PCDH9: variants seen among roughly 807,000 people sequenced by gnomAD.
The protein encoded by PCDH9 is protocadherin-9.
Under a neutral mutation model 70.6 loss-of-function variants are expected in PCDH9, and 24 were observed. The observed-to-expected ratio is 0.34, with a 90% CI of 0.25 to 0.48. The LOEUF (loss-of-function observed/expected upper bound fraction) is 0.48, where lower values mean the gene tolerates loss of function less well. Among genes scored for constraint, PCDH9 ranks in the 20% least tolerant of loss-of-function variants. The probability of loss-of-function intolerance (pLI) is 0.99; values close to 1 mark genes in which losing one functional copy is unlikely to be tolerated. For missense variants in PCDH9, 1,281 were observed against 1,503.6 expected (o/e 0.85, Z 2.45); for synonymous variants, 562 against 558.5 (o/e 1.01, Z -0.09).
At chr13:66,870,707 A>C (rs1417447958) in intron 3 of PCDH9, among the ~76,000 whole-genome samples, 3 of 152,198 alleles carry the variant, frequency 2.0e-5, no homozygotes, top group Non-Finnish European at 4.4e-5. Context: ...CACACCAGTT[A>C]GAATGGCAAT....
chr13:67,141,217 G>A (rs546112217), intron 2 of PCDH9, among the ~76,000 whole-genome samples: 8 of 152,158 alleles, frequency 5.3e-5, no homozygotes, highest in Non-Finnish European at 1.2e-4. Context: ...AGTGGGCTAA[G>A]TGTTATGAGT....
At chr13:67,136,782 T>C (rs1328847265) in intron 2 of PCDH9, among the ~76,000 whole-genome samples, 1 of 152,078 alleles carries the variant, frequency 6.6e-6, no homozygotes, top group African/African-American at 2.4e-5. Context: ...TTATGTTATA[T>C]ATGAAATGGA....
chr13:67,035,011 T>C (rs2084982365), intron 2 of PCDH9, among the ~76,000 whole-genome samples: 1 of 152,140 alleles, frequency 6.6e-6, no homozygotes, highest in African/African-American at 2.4e-5. Flanking sequence ...CATGTACATG[T>C]ATATACATGT....
chr13:67,217,396 T>C (rs2089633786), intron 2 of PCDH9: 1 of 152,110 alleles, frequency 6.6e-6, no homozygotes, highest in African/African-American at 2.4e-5. Context: ...GGGCTGCATA[T>C]GGATTACACA....
intron 3 of PCDH9, among the ~76,000 whole-genome samples, chr13:66,722,115 C>T (rs1355637490): frequency 6.6e-6 from 1 of 152,188 alleles, no homozygotes; most frequent in Non-Finnish European, 1.5e-5. Flanking sequence ...CCTAGATAAT[C>T]ACGGACATTT....
At chr13:66,582,685 G>A (rs918396789) in intron 4 of PCDH9, among the ~76,000 whole-genome samples, 2 of 152,010 alleles carry the variant, frequency 1.3e-5, no homozygotes, top group Non-Finnish European at 2.9e-5. Context: ...CGAGTTGACT[G>A]ATATTGCTAC....
intron 4 of PCDH9, among the ~76,000 whole-genome samples, chr13:66,437,346 C>T (rs780686911): frequency 4.6e-5 from 6 of 130,884 alleles, no homozygotes; most frequent in African/African-American, 1.4e-4. Context: ...GGCGAGCTTG[C>T]GTGAGCCGAG....
chr13:67,034,119 G>A (rs2084961661), intron 2 of PCDH9, among the ~76,000 whole-genome samples: 1 of 151,954 alleles, frequency 6.6e-6, no homozygotes, highest in African/African-American at 2.4e-5. Context: ...TGAGTAGCTG[G>A]GATTACAGGT....
intron 2 of PCDH9, among the ~76,000 whole-genome samples, chr13:67,113,800 G>A (rs2086707545): frequency 6.6e-6 from 1 of 152,124 alleles, no homozygotes; most frequent in African/African-American, 2.4e-5. Flanking sequence ...GCCCGCCTCG[G>A]CCTCCCAAAG....
intron 4 of PCDH9, among the ~76,000 whole-genome samples, chr13:66,606,798 T>A (rs1394116492): frequency 6.6e-6 from 1 of 152,244 alleles, no homozygotes; most frequent in African/African-American, 2.4e-5. Flanking sequence ...GCAGGAATTC[T>A]CTTTTACTTG....
At chr13:67,032,266 C>T (rs750869086) in intron 2 of PCDH9, among the ~76,000 whole-genome samples, 5 of 152,092 alleles carry the variant, frequency 3.3e-5, no homozygotes, top group Non-Finnish European at 7.3e-5. Flanking sequence ...ACCTCAACCT[C>T]GCAAGTAGCT....
intron 2 of PCDH9, among the ~76,000 whole-genome samples, chr13:67,035,184 A>G (rs1265492161): frequency 1.3e-5 from 2 of 152,148 alleles, no homozygotes; most frequent in Admixed American, 1.3e-4. Context: ...ACACCACAGA[A>G]TACAGTGAAA....
At chr13:66,373,582 G>T (rs1041100134) in intron 4 of PCDH9, among the ~76,000 whole-genome samples, 1 of 151,928 alleles carries the variant, frequency 6.6e-6, no homozygotes. Context: ...AGATACACTC[G>T]TATATTTAAT....
intron 4 of PCDH9, among the ~76,000 whole-genome samples, chr13:66,346,342 T>G (rs553464898): frequency 5.9e-5 from 9 of 152,320 alleles, no homozygotes; most frequent in African/African-American, 2.2e-4. Flanking sequence ...GAAACGTTGA[T>G]TCTTGACTAG....
intron 2 of PCDH9, among the ~76,000 whole-genome samples, chr13:67,099,879 A>T (rs745558806): frequency 9.9e-5 from 15 of 152,208 alleles, no homozygotes; most frequent in Non-Finnish European, 1.8e-4. Flanking sequence ...TATTGCCTGC[A>T]CTTACCCTCA....
intron 4 of PCDH9, among the ~76,000 whole-genome samples, chr13:66,622,090 G>A (rs1020897135): frequency 6.6e-6 from 1 of 152,248 alleles, no homozygotes; most frequent in African/African-American, 2.4e-5. Context: ...CTTAGCACCC[G>A]GGCCAGCGGC....
At chr13:66,622,746 T>G (rs958401408) in intron 4 of PCDH9, among the ~76,000 whole-genome samples, 1 of 152,144 alleles carries the variant, frequency 6.6e-6, no homozygotes, top group Non-Finnish European at 1.5e-5. Context: ...TGGGGCCAGA[T>G]AAGAGAATAA....
At chr13:66,925,810 T>C (rs1201371172) in intron 2 of PCDH9, among the ~76,000 whole-genome samples, 1 of 151,988 alleles carries the variant, frequency 6.6e-6, no homozygotes, top group Non-Finnish European at 1.5e-5. Flanking sequence ...CTTTGTAAAG[T>C]GAATTTTTGC....
intron 4 of PCDH9, among the ~76,000 whole-genome samples, chr13:66,440,934 T>C (rs1957962541): frequency 6.6e-6 from 1 of 152,148 alleles, no homozygotes; most frequent in African/African-American, 2.4e-5. Flanking sequence ...CTGCATTGCA[T>C]ATATCAGCTA....
Sources: allele counts gnomAD v4.1 joint callset (sites outside exome capture counted in the v4.1 genomes callset), GRCh38; gene constraint gnomAD v4.1.1; transcripts MANE v1.5; gene names NCBI Gene and HGNC (gene_info 2026-07-23, HGNC 2026-07-21).